The following CCSER1 variants were observed in gnomAD, a reference collection of about 807,000 sequenced individuals.
The protein encoded by CCSER1 is coiled-coil serine rich protein 1.
Under a neutral mutation model 82.0 loss-of-function variants are expected in CCSER1, and 41 were observed. The observed-to-expected ratio is 0.50, with a 90% CI of 0.39 to 0.65. CCSER1 has a LOEUF of 0.65. CCSER1 is among the 30% of genes least tolerant of loss of function. The pLI is 0.00. For missense variants in CCSER1, 1,119 were observed against 1,064.2 expected, an observed-to-expected ratio of 1.05 and a Z score of -0.72; for synonymous variants, 414 against 383.9, an observed-to-expected ratio of 1.08 and a Z score of -0.92.
At chr4:90,731,381 A>C (rs1446338292) in intron 7 of CCSER1, among the ~76,000 whole-genome samples, 2 of 152,158 alleles carry the variant, frequency 1.3e-5, no homozygotes, top group African/African-American at 2.4e-5. Context: ...TTGGTTTTGC[A>C]GGGGATAATA....
At chr4:91,286,315 A>G (rs1302063849) in intron 10 of CCSER1, among the ~76,000 whole-genome samples, 1 of 151,890 alleles carries the variant, frequency 6.6e-6, no homozygotes, top group Non-Finnish European at 1.5e-5. Flanking sequence ...TCAACGTTAA[A>G]TTGGAAATAG....
chr4:90,641,076 A>G (rs1726423976), intron 6 of CCSER1, among the ~76,000 whole-genome samples: 1 of 152,138 alleles, frequency 6.6e-6, no homozygotes, highest in African/African-American at 2.4e-5. Flanking sequence ...GTTCAAAACT[A>G]CTAGATAATT....
At chr4:91,369,342 T>A (rs1396504396) in intron 10 of CCSER1, among the ~76,000 whole-genome samples, 6 of 152,218 alleles carry the variant, frequency 3.9e-5, no homozygotes, top group Non-Finnish European at 7.3e-5. Flanking sequence ...TAATATCAGA[T>A]AAATATTTGT....
At chr4:91,348,884 T>C (rs13149667) in intron 10 of CCSER1, among the ~76,000 whole-genome samples, 2 of 152,098 alleles carry the variant, frequency 1.3e-5, no homozygotes, top group Admixed American at 6.5e-5. Context: ...TTTGATTTTG[T>C]TGATTTTTTA....
At chr4:90,655,288 C>T (rs1051568003) in intron 6 of CCSER1, among the ~76,000 whole-genome samples, 3 of 151,754 alleles carry the variant, frequency 2.0e-5, no homozygotes, top group Admixed American at 2.0e-4. Flanking sequence ...TTAAATTATC[C>T]TCCTGGTTTG....
intron 7 of CCSER1, among the ~76,000 whole-genome samples, chr4:90,803,895 A>C (rs1171070897): frequency 6.6e-6 from 1 of 152,114 alleles, no homozygotes; most frequent in Non-Finnish European, 1.5e-5. Context: ...CTTCTTAATG[A>C]TCACCATTCT....
intron 8 of CCSER1, among the ~76,000 whole-genome samples, chr4:90,900,321 G>A (rs1261065307): frequency 6.6e-6 from 1 of 151,616 alleles, no homozygotes; most frequent in Admixed American, 6.6e-5. Flanking sequence ...TGTCACTTTT[G>A]TCATTTCTGA....
chr4:91,018,491 C>G (rs867002076), intron 9 of CCSER1, among the ~76,000 whole-genome samples: 1 of 152,118 alleles, frequency 6.6e-6, no homozygotes, highest in Non-Finnish European at 1.5e-5. Flanking sequence ...GCAGAGTCAT[C>G]TTAGCTAAAA....
At chr4:90,743,956 T>G (rs562783979) in intron 7 of CCSER1, among the ~76,000 whole-genome samples, 1 of 152,192 alleles carries the variant, frequency 6.6e-6, no homozygotes, top group South Asian at 2.1e-4. Context: ...GATATTAGTT[T>G]TAAAAGTTTC....
intron 10 of CCSER1, among the ~76,000 whole-genome samples, chr4:91,589,802 C>T (rs1451732275): frequency 6.6e-6 from 1 of 151,882 alleles, no homozygotes; most frequent in African/African-American, 2.4e-5. Flanking sequence ...TAATCACACT[C>T]CTGTTATTGC....
At chr4:90,617,381 A>G (rs896394024) in intron 5 of CCSER1, among the ~76,000 whole-genome samples, 1 of 152,162 alleles carries the variant, frequency 6.6e-6, no homozygotes, top group Non-Finnish European at 1.5e-5. Context: ...AGACAATTCA[A>G]TGTTGATACC....
chr4:90,511,265 A>G (rs1235976024), intron 5 of CCSER1, among the ~76,000 whole-genome samples: 1 of 152,124 alleles, frequency 6.6e-6, no homozygotes, highest in African/African-American at 2.4e-5. Flanking sequence ...TAAAAATACA[A>G]AAACTAGCCG....
At chr4:91,024,729 C>T (rs1185910666) in intron 9 of CCSER1, among the ~76,000 whole-genome samples, 1 of 151,906 alleles carries the variant, frequency 6.6e-6, no homozygotes, top group Non-Finnish European at 1.5e-5. Flanking sequence ...AGAGTTTTAT[C>T]TCTTATTTCT....
At chr4:90,769,260 C>T (rs556513852) in intron 7 of CCSER1, among the ~76,000 whole-genome samples, 10 of 152,246 alleles carry the variant, frequency 6.6e-5, no homozygotes, top group Non-Finnish European at 1.3e-4. Context: ...CAAGAAACTT[C>T]ACAGGAGACC....
chr4:90,742,360 T>C (rs1746692359), intron 7 of CCSER1, among the ~76,000 whole-genome samples: 2 of 152,196 alleles, frequency 1.3e-5, no homozygotes, highest in Non-Finnish European at 2.9e-5. Context: ...TGAAGATTTA[T>C]GTTCTCTGAA....
chr4:90,658,339 A>G (rs924431436), intron 6 of CCSER1, among the ~76,000 whole-genome samples: 14 of 152,182 alleles, frequency 9.2e-5, no homozygotes, highest in African/African-American at 3.1e-4. Flanking sequence ...TCTTAATCCA[A>G]TCAGGAATTA....
chr4:91,331,856 A>C (rs146029122), intron 10 of CCSER1, among the ~76,000 whole-genome samples: 105 of 152,276 alleles, frequency 6.9e-4, no homozygotes, highest in African/African-American at 2.2e-3. Flanking sequence ...GCTACACTTG[A>C]AACTAAGTAG....
chr4:90,411,426 C>T (rs537122936), intron 4 of CCSER1, among the ~76,000 whole-genome samples: 47 of 152,278 alleles, frequency 3.1e-4, no homozygotes, highest in Admixed American at 1.5e-3. Flanking sequence ...TTATCCACCA[C>T]GATCACATGG....
chr4:90,371,518 A>C (rs1242600074), intron 3 of CCSER1, among the ~76,000 whole-genome samples: 2 of 150,780 alleles, frequency 1.3e-5, no homozygotes, highest in African/African-American at 2.5e-5. Flanking sequence ...ATAATAACCA[A>C]CTCCCTTAAG....
Sources: allele counts gnomAD v4.1 joint callset (sites outside exome capture counted in the v4.1 genomes callset), GRCh38; gene constraint gnomAD v4.1.1; transcripts MANE v1.5; gene names NCBI Gene and HGNC (gene_info 2026-07-23, HGNC 2026-07-21).